CYRIB: variants seen among roughly 807,000 people sequenced by gnomAD.
CYRIB encodes the protein CYFIP related Rac1 interactor B.
CYRIB carries 8 observed loss-of-function variants against 44.2 expected under a neutral mutation model. That is an observed-to-expected ratio of 0.18 (90% CI 0.11 to 0.33). The LOEUF is 0.33. CYRIB is among the 10% of genes least tolerant of loss of function. The pLI, the probability that CYRIB is intolerant of heterozygous loss-of-function variation, is 1.00. For missense variants in CYRIB, 185 were observed against 382.8 expected (o/e 0.48, Z 4.31); for synonymous variants, 131 against 127.2 (o/e 1.03, Z -0.20).
rs34764499 is a variant in CYRIB, at chr8:129,883,112, CAAAAAAAAAAAAAA to C, written c.-10-3655_-10-3642del. ...TAGGCAACAGAGCTAGACTCCCTCT[CAAAAAAAAAAAAAA>C]AAAAAAAAAAAAAAGGAATTGGCTC... is the stretch of plus-strand genomic sequence containing the variant. On this transcript the variant is annotated intron_variant, in intron 2 of 11. Transcript: ENST00000519824. Among the ~76,000 whole-genome samples, 9 of 41,254 alleles carry C rather than the reference CAAAAAAAAAAAAAA, an allele frequency of 2.2e-4. No individual in the cohort carries two copies. The South Asian group carries it at 3.9e-3, about 18-fold the overall frequency. 27.1% of individuals were successfully genotyped at this position (41,254 alleles called of 152,430 possible).
intron 1 of CYRIB, among the ~76,000 whole-genome samples, chr8:130,006,218 G>A (rs2097058173): frequency 6.6e-6 from 1 of 151,936 alleles, no homozygotes; most frequent in Non-Finnish European, 1.5e-5. Flanking sequence ...TATGAGAATC[G>A]CTTGAACCCA....
upstream of CYRIB, chr8:130,016,672 C>T (rs1304198590): frequency 6.7e-6 from 1 of 149,098 alleles, no homozygotes; most frequent in South Asian, 2.0e-4. Flanking sequence ...CGCGCCTCCC[C>T]CCGCGCCCAG....
chr8:130,005,785 C>T (rs1389793952), intron 1 of CYRIB, among the ~76,000 whole-genome samples: 2 of 150,614 alleles, frequency 1.3e-5, no homozygotes, highest in Non-Finnish European at 2.9e-5. Context: ...CAAGATCAAC[C>T]TGGGTAACAC....
At chr8:129,845,055 C>T (rs1171121047) in intron 11 of CYRIB, among the ~76,000 whole-genome samples, 6 of 152,118 alleles carry the variant, frequency 3.9e-5, no homozygotes, top group Non-Finnish European at 7.4e-5. Context: ...GTGGTGCTTT[C>T]CTTCCCTCCC....
At chr8:129,957,292 C>T (rs920559207) in intron 2 of CYRIB, among the ~76,000 whole-genome samples, 1 of 152,184 alleles carries the variant, frequency 6.6e-6, no homozygotes, top group Non-Finnish European at 1.5e-5. Flanking sequence ...CCAATGTGGA[C>T]AGACTTAGGG....
At chr8:129,908,194 A>G (rs988414293) in intron 1 of CYRIB, among the ~76,000 whole-genome samples, 7 of 152,224 alleles carry the variant, frequency 4.6e-5, no homozygotes, top group Admixed American at 3.3e-4. Context: ...AAAAATTTAA[A>G]ATGGAAAGAT....
At chr8:129,991,025 G>A (rs1422526730) in intron 1 of CYRIB, among the ~76,000 whole-genome samples, 1 of 151,618 alleles carries the variant, frequency 6.6e-6, no homozygotes, top group Non-Finnish European at 1.5e-5. Flanking sequence ...CCAGCTACTC[G>A]GGAGGCTGAG....
At chr8:129,907,965 A>AG (rs2076281327) in intron 1 of CYRIB, among the ~76,000 whole-genome samples, 4 of 152,166 alleles carry the variant, frequency 2.6e-5, no homozygotes, top group Non-Finnish European at 5.9e-5. Flanking sequence ...TCACACCATT[A>AG]CACTCCAGCC....
intron 9 of CYRIB, chr8:129,849,908 T>C (rs2042350324): frequency 6.6e-6 from 1 of 152,364 alleles, no homozygotes; most frequent in South Asian, 2.1e-4. Flanking sequence ...CATTATAGTA[T>C]TACTGGATAT....
intron 2 of CYRIB, among the ~76,000 whole-genome samples, chr8:129,955,781 T>C (rs1190314707): frequency 2.0e-5 from 3 of 152,196 alleles, no homozygotes; most frequent in African/African-American, 4.8e-5. Flanking sequence ...CCAAGATTAA[T>C]AGCCTGGTTT....
At chr8:129,925,348 T>C (rs376450779) in intron 1 of CYRIB, among the ~76,000 whole-genome samples, 1 of 152,120 alleles carries the variant, frequency 6.6e-6, no homozygotes, top group Admixed American at 6.5e-5. Context: ...GCCAAGGTCA[T>C]GCCACTGCAG....
chr8:129,847,134 G>T, intron 10 of CYRIB: 1 of 316,986 alleles, frequency 3.2e-6, no homozygotes, highest in Non-Finnish European at 5.7e-6. Context: ...GTTTGCTAAG[G>T]GAAGACTTCT....
At chr8:129,861,351 T>C (rs2049421719) in intron 5 of CYRIB, among the ~76,000 whole-genome samples, 1 of 152,238 alleles carries the variant, frequency 6.6e-6, no homozygotes, top group Non-Finnish European at 1.5e-5. Flanking sequence ...TGAATAATTT[T>C]TCCCAAGCAA....
intron 1 of CYRIB, among the ~76,000 whole-genome samples, chr8:129,999,129 G>T (rs913092422): frequency 3.3e-5 from 5 of 149,804 alleles, no homozygotes; most frequent in Non-Finnish European, 7.5e-5. Context: ...AGAATAACGT[G>T]GGGGGGGTGG....
chr8:129,951,435 G>C (rs894651727), intron 2 of CYRIB, among the ~76,000 whole-genome samples: 5 of 152,048 alleles, frequency 3.3e-5, no homozygotes, highest in African/African-American at 1.2e-4. Flanking sequence ...GGCCAGTTGC[G>C]GTGGCTCATG....
At chr8:130,012,464 T>A (rs923044652) in intron 1 of CYRIB, among the ~76,000 whole-genome samples, 5 of 152,090 alleles carry the variant, frequency 3.3e-5, no homozygotes, top group Non-Finnish European at 5.9e-5. Flanking sequence ...CAGGGACAGA[T>A]GATGGGACCA....
At chr8:129,853,527 A>G (rs1026409602) in intron 7 of CYRIB, among the ~76,000 whole-genome samples, 1 of 152,206 alleles carries the variant, frequency 6.6e-6, no homozygotes, top group Non-Finnish European at 1.5e-5. Flanking sequence ...TTTCTCTATT[A>G]AACTATCTAT....
chr8:129,852,718 G>A (rs927068488), intron 7 of CYRIB, among the ~76,000 whole-genome samples: 9 of 152,148 alleles, frequency 5.9e-5, no homozygotes, highest in African/African-American at 2.2e-4. Flanking sequence ...ATATTGGGCA[G>A]GTAAACAAGG....
intron 1 of CYRIB, among the ~76,000 whole-genome samples, chr8:129,911,863 T>C (rs1052096944): frequency 6.6e-6 from 1 of 152,240 alleles, no homozygotes; most frequent in Admixed American, 6.5e-5. Flanking sequence ...CCATCTACAA[T>C]GGGACTTTTC....
Sources: allele counts gnomAD v4.1 joint callset (sites outside exome capture counted in the v4.1 genomes callset), GRCh38; gene constraint gnomAD v4.1.1; transcripts MANE v1.5; gene names NCBI Gene and HGNC (gene_info 2026-07-23, HGNC 2026-07-21).